ARHGAP15: variants seen among roughly 807,000 people sequenced by gnomAD.
ARHGAP15 encodes rho GTPase-activating protein 15.
In ARHGAP15, 51 loss-of-function variants were observed where a neutral mutation model predicts 63.7. The observed-to-expected ratio is 0.80, with a 90% CI of 0.64 to 1.01. The LOEUF is 1.01. Ranked by LOEUF, ARHGAP15 falls within the 50% of genes least tolerant of loss-of-function variation. The probability of loss-of-function intolerance (pLI) is 0.00; values close to 1 mark genes in which losing one functional copy is unlikely to be tolerated. For missense variants in ARHGAP15, 560 were observed against 564.6 expected, an observed-to-expected ratio of 0.99 and a Z score of 0.08; for synonymous variants, 191 against 193.8, an observed-to-expected ratio of 0.99 and a Z score of 0.12.
chr2:143,686,819 A>G (rs1227118108), intron 12 of ARHGAP15, among the ~76,000 whole-genome samples: 1 of 152,208 alleles, frequency 6.6e-6, no homozygotes, highest in Admixed American at 6.5e-5. Flanking sequence ...GTCCATACAA[A>G]TCTAACACCA....
intron 2 of ARHGAP15, among the ~76,000 whole-genome samples, chr2:143,172,475 T>C (rs561070860): frequency 1.3e-5 from 2 of 152,190 alleles, no homozygotes; most frequent in South Asian, 4.1e-4. Context: ...GGGGACACTA[T>C]TAAGGAGCCT....
intron 6 of ARHGAP15, among the ~76,000 whole-genome samples, chr2:143,262,213 G>T (rs564056451): frequency 1.3e-5 from 2 of 152,136 alleles, no homozygotes; most frequent in Non-Finnish European, 2.9e-5. Context: ...GCAGGGCACA[G>T]GAAGCATCTG....
intron 6 of ARHGAP15, among the ~76,000 whole-genome samples, chr2:143,335,471 T>C (rs1684731003): frequency 1.3e-5 from 2 of 152,200 alleles, no homozygotes; most frequent in Non-Finnish European, 2.9e-5. Context: ...CCTTCTTGCA[T>C]AGTTTTGTTT....
intron 6 of ARHGAP15, among the ~76,000 whole-genome samples, chr2:143,414,702 G>A (rs1688604042): frequency 1.3e-5 from 2 of 152,214 alleles, no homozygotes; most frequent in Admixed American, 6.5e-5. Context: ...GGATGGCGAA[G>A]GCAGGTGGAT....
At chr2:143,478,203 G>A (rs1691912591) in intron 8 of ARHGAP15, among the ~76,000 whole-genome samples, 1 of 152,128 alleles carries the variant, frequency 6.6e-6, no homozygotes, top group South Asian at 2.1e-4. Context: ...TTACAGTTCT[G>A]TCCTACCCAG....
chr2:143,293,708 T>C (rs1453726822), intron 6 of ARHGAP15, among the ~76,000 whole-genome samples: 1 of 152,002 alleles, frequency 6.6e-6, no homozygotes, highest in East Asian at 1.9e-4. Flanking sequence ...TCAGGCTGGG[T>C]GTTCTGGGAG....
chr2:143,710,983 T>C (rs1684555007), intron 13 of ARHGAP15, among the ~76,000 whole-genome samples: 1 of 152,200 alleles, frequency 6.6e-6, no homozygotes, highest in South Asian at 2.1e-4. Context: ...CCTGCTATAT[T>C]CCAGACCTGA....
chr2:143,434,672 G>A (rs1306521551), intron 6 of ARHGAP15, among the ~76,000 whole-genome samples: 1 of 152,074 alleles, frequency 6.6e-6, no homozygotes, highest in African/African-American at 2.4e-5. Context: ...GACAGTAGTT[G>A]GGAAATGTTC....
chr2:143,214,775 C>T (rs1018884351), intron 3 of ARHGAP15, among the ~76,000 whole-genome samples: 11 of 152,200 alleles, frequency 7.2e-5, no homozygotes, highest in African/African-American at 2.4e-4. Flanking sequence ...AACTAAGTCC[C>T]GTGCTATGTA....
intron 13 of ARHGAP15, among the ~76,000 whole-genome samples, chr2:143,765,086 ATCTC>A (rs1686901320): frequency 6.7e-6 from 1 of 148,698 alleles, no homozygotes. Flanking sequence ...TATCTTATCT[ATCTC>A]CATATTTGCC....
chr2:143,473,082 C>A (rs1279620752), intron 8 of ARHGAP15, among the ~76,000 whole-genome samples: 1 of 152,180 alleles, frequency 6.6e-6, no homozygotes, highest in East Asian at 1.9e-4. Context: ...CCACCTTCAG[C>A]CTCACCTCCA....
chr2:143,631,024 G>T (rs1441270795), intron 12 of ARHGAP15, among the ~76,000 whole-genome samples: 3 of 151,828 alleles, frequency 2.0e-5, no homozygotes, highest in African/African-American at 7.3e-5. Context: ...CCACTGATCT[G>T]CTTCCTGTCA....
chr2:143,363,567 A>G (rs1347077816), intron 6 of ARHGAP15, among the ~76,000 whole-genome samples: 1 of 152,180 alleles, frequency 6.6e-6, no homozygotes, highest in East Asian at 1.9e-4. Flanking sequence ...TCTTTCTGTC[A>G]TTCAAATTTT....
intron 8 of ARHGAP15, among the ~76,000 whole-genome samples, chr2:143,454,971 A>G (rs1219953813): frequency 6.6e-6 from 1 of 152,066 alleles, no homozygotes; most frequent in Non-Finnish European, 1.5e-5. Context: ...TCAATTCCAC[A>G]TTAACAAAGA....
chr2:143,351,922 T>C (rs1026243006), intron 6 of ARHGAP15, among the ~76,000 whole-genome samples: 3 of 152,184 alleles, frequency 2.0e-5, no homozygotes, highest in African/African-American at 7.2e-5. Flanking sequence ...AAAATATAAA[T>C]AAAAGGATCA....
chr2:143,471,661 C>T (rs1691584491), intron 8 of ARHGAP15, among the ~76,000 whole-genome samples: 1 of 151,918 alleles, frequency 6.6e-6, no homozygotes, highest in African/African-American at 2.4e-5. Flanking sequence ...ATGTGGATGT[C>T]TAAGAAAAGA....
At chr2:143,704,624 GT>G (rs1248087161) in intron 13 of ARHGAP15, among the ~76,000 whole-genome samples, 3 of 152,146 alleles carry the variant, frequency 2.0e-5, no homozygotes, top group Admixed American at 2.0e-4. Context: ...TTTGCCTTCT[GT>G]TAACACCTTC....
At chr2:143,246,752 A>G (rs1437788580) in intron 5 of ARHGAP15, among the ~76,000 whole-genome samples, 2 of 152,036 alleles carry the variant, frequency 1.3e-5, no homozygotes, top group Admixed American at 1.3e-4. Flanking sequence ...GAATTCAGAG[A>G]CTGGGAGATT....
chr2:143,218,115 A>G lies in ARHGAP15; in HGVS notation c.296+1670A>G, dbSNP rs368975701. 1.6e-4 allele frequency among the ~76,000 whole-genome samples: 24 copies of G among 152,192 alleles called. 1 individual carries two copies. In the East Asian group the frequency reaches 3.9e-3, roughly 24 times the overall value. On this transcript the variant is annotated intron_variant, in intron 4 of 13. Coordinates refer to ENST00000295095, the MANE Select transcript of ARHGAP15 (RefSeq NM_018460.4). ...TTTTAGGTAGTTTTATTCAATTTGT[A>G]TACTATTGTGTTTTTGTTTTATTTG...
Sources: allele counts gnomAD v4.1 joint callset (sites outside exome capture counted in the v4.1 genomes callset), GRCh38; gene constraint gnomAD v4.1.1; transcripts MANE v1.5; gene names NCBI Gene and HGNC (gene_info 2026-07-23, HGNC 2026-07-21).